Variants in ITPR3 observed in about 807,000 individuals in gnomAD.
The protein encoded by ITPR3 is inositol 1,4,5-trisphosphate-gated calcium channel ITPR3.
Under a neutral mutation model 293.2 loss-of-function variants are expected in ITPR3, and 173 were observed. The ratio of observed to expected loss-of-function variants is 0.59; its 90% confidence interval spans 0.52 to 0.67. The LOEUF is 0.67. ITPR3 is among the 30% of genes least tolerant of loss of function. ITPR3 has a pLI of 0.00. For synonymous variants in ITPR3, 1,295 were observed against 1,444.4 expected, an observed-to-expected ratio of 0.90 and a Z score of 2.35; for missense variants, 2,796 against 3,592.1, an observed-to-expected ratio of 0.78 and a Z score of 5.66.
chr6:33,667,992 C>T lies in ITPR3; in HGVS notation c.1886+28C>T, dbSNP rs559727916. 5 of 1,611,514 alleles carry T rather than the reference C, an allele frequency of 3.1e-6. No homozygotes were observed. The highest frequency in any genetic ancestry group is 2.7e-5 in the African/African-American group (2 of 75,038). On this transcript the variant is annotated intron_variant, in intron 16 of 57. Coordinates refer to ENST00000605930, the MANE Select transcript of ITPR3 (RefSeq NM_002224.4). The surrounding 1 kb of genome is among the most constrained non-coding windows in gnomAD (Gnocchi z 4.4). ...GGGCCCGAACCCCCTCCCCGGCCGG[C>T]GCCTGCTCCTCCCTCCTCCCTTGCC...
intron 49 of ITPR3, 88 bp from the exon 50 acceptor site, chr6:33,689,150 A>G: frequency 6.9e-7 from 1 of 1,455,582 alleles, no homozygotes; most frequent in South Asian, 1.2e-5. Flanking sequence ...GGCGGCCAGG[A>G]GAAGGTGGCT....
At position 33,666,748 on chromosome 6, in the gene ITPR3, A is replaced by G. The variant is rs1764619480; in HGVS notation, c.1552-381A>G. On this transcript the variant is annotated intron_variant, in intron 14 of 57. Transcript: ENST00000605930. The surrounding 1 kb of genome is among the most constrained non-coding windows in gnomAD (Gnocchi z 5.1). ...TAAAACATTTTTGTAATTATGTAAC[A>G]TTTTACTTTGACAAGGCAGGCCTGT... 6.6e-6 allele frequency among the ~76,000 whole-genome samples: 1 copy of G among 151,968 alleles called. No homozygotes were observed. The highest frequency in any genetic ancestry group is 2.4e-5 in the African/African-American group (1 of 41,350).
Position 33,655,779 on chromosome 6 carries a change from G to C in ITPR3, c.174G>C (p.Lys58Asn). ...PPKKFRDCLF[K>N]VCPMNRYSAQ... The stretch of plus-strand genomic sequence containing the variant: ...GCCCCACCACAGACTGCCTCTTCAA[G>C]GTGTGCCCCATGAACCGCTACTCGG... The change falls in exon 3 of 58, where the codon AAG becomes AAC. Residue 58 changes from lysine to asparagine, a missense_variant. Lys to Asn is a moderately conservative substitution (Grantham distance 94, BLOSUM62 0). Transcript: ENST00000605930. The surrounding 1 kb of genome is among the most constrained non-coding windows in gnomAD (Gnocchi z 4.9). 1 of 1,614,076 alleles carries C rather than the reference G, an allele frequency of 6.2e-7. No individual in the cohort carries two copies. Among genetic ancestry groups the C allele is most frequent in the Non-Finnish European group, 8.5e-7 (1 of 1,179,984 alleles).
rs1221927566 is a variant in ITPR3, at chr6:33,621,731, G to A, written c.89+40G>A. ...CTCGAGAGGGGCGCGGGTAAAGAGG[G>A]GGCGCCGTGGGCCCTGGTGCCAGCT... On this transcript the variant is annotated intron_variant, in intron 1 of 57. Transcript: ENST00000605930. The surrounding 1 kb of genome is among the most constrained non-coding windows in gnomAD (Gnocchi z 7.7). The A allele has an allele frequency of 2.0e-6, 3 of 1,473,752 alleles. No individual in the cohort carries two copies. The highest frequency in any genetic ancestry group is 4.8e-5 in the East Asian group (2 of 41,618). 91.3% of individuals were successfully genotyped at this position (1,473,752 alleles called of 1,614,324 possible). A position where few individuals can be genotyped will look rare whatever the true frequency, so the allele number is the denominator to read the frequency against.
chr6:33,696,128 C>G lies in ITPR3; in HGVS notation c.*348C>G, dbSNP rs961258631. On this transcript the variant is annotated 3_prime_UTR_variant, in exon 58 of 58. Coordinates refer to ENST00000605930, the MANE Select transcript of ITPR3 (RefSeq NM_002224.4). ...TGGGTAGTTAAGAGTGGGGTCACCC[C>G]TTTAACTCCAAGCACTACATTTTGG... 8.8e-5 allele frequency: 24 copies of G among 271,478 alleles called. No homozygotes were observed. The Admixed American group carries it at 9.5e-4, about 11-fold the overall frequency. 16.8% of individuals were successfully genotyped at this position (271,478 alleles called of 1,614,324 possible).
Position 33,685,742 on chromosome 6 carries a change from G to T in ITPR3, c.5582G>T (p.Ser1861Ile). 1 of 1,608,908 alleles carries T rather than the reference G, an allele frequency of 6.2e-7. No homozygotes were observed. Among genetic ancestry groups the T allele is most frequent in the African/African-American group, 1.3e-5 (1 of 74,964 alleles). Residue 1861 changes from serine to isoleucine, a missense_variant, in exon 41 of 58, where the codon AGT becomes ATT. By Grantham distance (142) the Ser-to-Ile change is moderately radical (BLOSUM62 -2). Coordinates refer to ENST00000605930, the MANE Select transcript of ITPR3 (RefSeq NM_002224.4). Reference sequence around the variant, plus strand: ...GAGGTGAGCGAACGTGTGCAGAGCAGTGAGATGGGCACATCCGTGCTCATC... The same window carrying T: ...GAGGTGAGCGAACGTGTGCAGAGCATTGAGATGGGCACATCCGTGCTCATC... ...GHEVSERVQS[S>I]EMGTSVLIMQ...
chr6:33,667,540 G>A lies in ITPR3; in HGVS notation c.1713+250G>A, dbSNP rs1156689022. 6.6e-6 allele frequency among the ~76,000 whole-genome samples: 1 copy of A among 152,190 alleles called. No individual in the cohort carries two copies. The highest frequency in any genetic ancestry group is 1.5e-5 in the Non-Finnish European group (1 of 68,026). On this transcript the variant is annotated intron_variant, in intron 15 of 57. Transcript: ENST00000605930. This position sits in a 1 kb window ranked among gnomAD's most constrained non-coding sequence, Gnocchi z 4.4. ...TTCTGCACTGGGCCCTACAAGTTAT[G>A]TAGCCAATCCTTCCACACAAACAAG...
chr6:33,667,983 C>A lies in ITPR3; in HGVS notation c.1886+19C>A. On this transcript the variant is annotated intron_variant, in intron 16 of 57. Coordinates refer to ENST00000605930, the MANE Select transcript of ITPR3 (RefSeq NM_002224.4). This position sits in a 1 kb window ranked among gnomAD's most constrained non-coding sequence, Gnocchi z 4.4. ...AGCCCAGGTGGGCCCGAACCCCCTCCCCGGCCGGCGCCTGCTCCTCCCTCC... is the reference window on the plus strand; with the variant it reads ...AGCCCAGGTGGGCCCGAACCCCCTCACCGGCCGGCGCCTGCTCCTCCCTCC... 1 of 1,613,000 alleles carries A rather than the reference C, an allele frequency of 6.2e-7. No homozygotes were observed.
intron 1 of ITPR3, among the ~76,000 whole-genome samples, chr6:33,622,504 T>C (rs566348942): frequency 6.6e-6 from 1 of 152,270 alleles, no homozygotes; most frequent in East Asian, 1.9e-4. Context: ...TGTGATTCGC[T>C]GGATGGGAGC....
In ITPR3 at chr6:33,658,461, G is replaced by T. The variant is rs932384264; in HGVS notation, c.370-209G>T. Reference sequence around the variant, plus strand: ...CAGCCTCTTTCTTGTGATCACCAGGGTGTCCATGGGGGTGTGCCTGTTGTG... The same window carrying T: ...CAGCCTCTTTCTTGTGATCACCAGGTTGTCCATGGGGGTGTGCCTGTTGTG... On this transcript the variant is annotated intron_variant, in intron 4 of 57. Coordinates refer to ENST00000605930, the MANE Select transcript of ITPR3 (RefSeq NM_002224.4). The surrounding 1 kb of genome is among the most constrained non-coding windows in gnomAD (Gnocchi z 6.1). 6.6e-6 allele frequency among the ~76,000 whole-genome samples: 1 copy of T among 152,208 alleles called. No homozygotes were observed. Among genetic ancestry groups the T allele is most frequent in the East Asian group, 1.9e-4 (1 of 5,204 alleles).
chr6:33,685,076 G>A, intron 39 of ITPR3, 133 bp downstream of exon 39: 2 of 1,083,396 alleles, frequency 1.8e-6, no homozygotes, highest in South Asian at 1.6e-5. Context: ...GCTGAGAGGT[G>A]AGAAGAGTGG....
chr6:33,636,310 A>T (rs567103843), intron 1 of ITPR3, among the ~76,000 whole-genome samples: 5 of 151,718 alleles, frequency 3.3e-5, no homozygotes, highest in African/African-American at 1.2e-4. Context: ...TCAAAAAAAT[A>T]AAAAATTAAA....
chr6:33,691,017 T>A lies in ITPR3; in HGVS notation c.7133T>A (p.Ile2378Asn), dbSNP rs1765374575. Residue 2378 changes from isoleucine to asparagine, a missense_variant, in exon 52 of 58, where the codon ATC becomes AAC. Ile to Asn is a moderately radical substitution (Grantham distance 149, BLOSUM62 -3). Transcript: ENST00000605930. This position sits in a 1 kb window ranked among gnomAD's most constrained non-coding sequence, Gnocchi z 4.9. Reference sequence around the variant, plus strand: ...CTGCTGACAGCCCTGCTGGCCCTCATCCTGGTCTACCTCTTCTCCATCGTC... The same window carrying A: ...CTGCTGACAGCCCTGCTGGCCCTCAACCTGGTCTACCTCTTCTCCATCGTC... ...SILLTALLAL[I>N]LVYLFSIVGF... 1 of 1,614,164 alleles carries A rather than the reference T, an allele frequency of 6.2e-7. No homozygotes were observed. Among genetic ancestry groups the A allele is most frequent in the East Asian group, 2.2e-5 (1 of 44,882 alleles).
In ITPR3 at chr6:33,691,147, A is replaced by G. The variant is rs199644231; in HGVS notation, c.7225+38A>G. On this transcript the variant is annotated intron_variant, in intron 52 of 57. Transcript: ENST00000605930. This position sits in a 1 kb window ranked among gnomAD's most constrained non-coding sequence, Gnocchi z 4.9. ...TCCTCTCCTGGGCAGGTTGTGGGGA[A>G]TGAGGTTGGGTCTCACAAATGTCTG... 3.1e-6 allele frequency: 5 copies of G among 1,602,496 alleles called. No homozygotes were observed. The Admixed American group carries it at 6.7e-5, about 21-fold the overall frequency.
At chr6:33,656,225 G>T (rs1318378957) in intron 3 of ITPR3, among the ~76,000 whole-genome samples, 1 of 152,196 alleles carries the variant, frequency 6.6e-6, no homozygotes, top group Non-Finnish European at 1.5e-5. Context: ...GGGGGAGTAG[G>T]ATCCCTTCCC....
chr6:33,621,751 C>A lies in ITPR3; in HGVS notation c.89+60C>A. ...AGAGGGGGCGCCGTGGGCCCTGGTG[C>A]CAGCTGCGTGCGTCCAGCCGCCGCC... On this transcript the variant is annotated intron_variant, in intron 1 of 57. Transcript: ENST00000605930. The surrounding 1 kb of genome is among the most constrained non-coding windows in gnomAD (Gnocchi z 7.7). The A allele has an allele frequency of 7.6e-7, 1 of 1,319,062 alleles. No homozygotes were observed. The highest frequency in any genetic ancestry group is 1.1e-6 in the Non-Finnish European group (1 of 936,744). 81.7% of individuals were successfully genotyped at this position (1,319,062 alleles called of 1,614,324 possible).
chr6:33,684,145 C>T lies in ITPR3; in HGVS notation c.4914C>T (p.Cys1638=), dbSNP rs150256313. 1.1e-4 allele frequency: 176 copies of T among 1,610,798 alleles called. 1 individual carries two copies. In the East Asian group the frequency reaches 3.0e-3, roughly 28 times the overall value. Residue 1638 remains cysteine (C), a synonymous_variant, in exon 36 of 58, where the codon TGC becomes TGT. Transcript: ENST00000605930. The surrounding 1 kb of genome is among the most constrained non-coding windows in gnomAD (Gnocchi z 4.2). ...FLEGSEAYQR[C]ESGGFLSKLI... is the part of the protein sequence containing the mutation. The stretch of plus-strand genomic sequence containing the variant: ...AGGGCAGTGAGGCCTACCAGCGCTG[C>T]GAGAGTGGGGGCTTCCTGTCCAAGT...
intron 2 of ITPR3, among the ~76,000 whole-genome samples, chr6:33,650,957 A>G (rs1422270479): frequency 6.6e-6 from 1 of 152,090 alleles, no homozygotes; most frequent in African/African-American, 2.4e-5. Context: ...TTCTTTGAGC[A>G]TATACTGGTT....
chr6:33,684,723 C>T lies in ITPR3; in HGVS notation c.5137+35C>T, dbSNP rs1367745751. ...ACCTTCCCCTGCCCCCGGGCCCTCC[C>T]TTCCACTCTCCTGTCACACCAGCTC... On this transcript the variant is annotated intron_variant, in intron 38 of 57. Transcript: ENST00000605930. The surrounding 1 kb of genome is among the most constrained non-coding windows in gnomAD (Gnocchi z 4.2). The T allele has an allele frequency of 5.6e-6, 9 of 1,611,638 alleles. No individual in the cohort carries two copies. The highest frequency in any genetic ancestry group is 3.3e-4 in the Middle Eastern group (2 of 6,046).
Sources: allele counts gnomAD v4.1 joint callset (sites outside exome capture counted in the v4.1 genomes callset), GRCh38; gene constraint gnomAD v4.1.1; non-coding constraint Gnocchi (gnomAD v3.1); transcripts MANE v1.5; gene names NCBI Gene and HGNC (gene_info 2026-07-23, HGNC 2026-07-21).